WDR41: variants seen among roughly 807,000 people sequenced by gnomAD.
The protein encoded by WDR41 is WD repeat-containing protein 41.
In WDR41, 63 loss-of-function variants were observed where a neutral mutation model predicts 69.3. The observed-to-expected ratio is 0.91, with a 90% confidence interval of 0.74 to 1.12. WDR41 has a LOEUF of 1.12. Among genes scored for constraint, WDR41 ranks in the 50% most tolerant of loss-of-function variants. The pLI is 0.00. For synonymous variants in WDR41, 185 were observed against 192.1 expected (o/e 0.96, Z 0.31); for missense variants, 543 against 534.5 (o/e 1.02, Z -0.16).
chr5:77,564,679 T>C (rs933894236), intron 1 of WDR41, among the ~76,000 whole-genome samples: 1 of 152,160 alleles, frequency 6.6e-6, no homozygotes, highest in Admixed American at 6.6e-5. Flanking sequence ...TTGGTAAGCA[T>C]AGCCACTCTA....
intron 2 of WDR41, among the ~76,000 whole-genome samples, 177 bp downstream of exon 2, chr5:77,489,280 C>T (rs754959701): frequency 6.6e-6 from 1 of 152,088 alleles, no homozygotes; most frequent in Non-Finnish European, 1.5e-5. Flanking sequence ...GCAAAAAAGA[C>T]TCTAGATACA....
chr5:77,464,611 T>C, intron 3 of WDR41, 150 bp downstream of exon 3: 1 of 777,796 alleles, frequency 1.3e-6, no homozygotes, highest in Non-Finnish European at 2.0e-6. Flanking sequence ...CCCCACTGTA[T>C]ATGGATTTAT....
chr5:77,478,799 CA>C (rs1356785736), intron 2 of WDR41, among the ~76,000 whole-genome samples: 1 of 150,850 alleles, frequency 6.6e-6, no homozygotes, highest in African/African-American at 2.4e-5. Context: ...CACTCCTATT[CA>C]ACATAGTGTT....
chr5:77,510,544 A>G (rs760760580), intron 1 of WDR41, among the ~76,000 whole-genome samples: 4 of 152,148 alleles, frequency 2.6e-5, no homozygotes, highest in Admixed American at 6.6e-5. Context: ...TGGGTCAGCA[A>G]TAGTGTCTGC....
At chr5:77,552,016 AAAAT>A (rs1405516698) in intron 1 of WDR41, among the ~76,000 whole-genome samples, 4 of 134,744 alleles carry the variant, frequency 3.0e-5, no homozygotes, top group African/African-American at 1.1e-4. Flanking sequence ...AAAATAAAAT[AAAAT>A]AAAATAAAAT....
Position 77,512,355 on chromosome 5 carries a change from A to AGAGAGAGAGAGAGAGAGAGAGAGT in WDR41, c.43-22784_43-22783insACTCTCTCTCTCTCTCTCTCTCTC, listed in dbSNP as rs1335024335. On this transcript the variant is annotated intron_variant, in intron 1 of 5. Coordinates refer to the WDR41 transcript ENST00000509971. The stretch of plus-strand genomic sequence containing the variant: ...GTGAGAGAGAGAGAGAGAGAGAGTG[A>AGAGAGAGAGAGAGAGAGAGAGAGT]GTGTGTGTGTGTGTGTGTGTGTGTG... Among the ~76,000 whole-genome samples, 398 of 119,316 alleles carry AGAGAGAGAGAGAGAGAGAGAGAGT rather than the reference A, an allele frequency of 3.3e-3. 1 individual carries two copies. The highest frequency in any genetic ancestry group is 5.9e-3 in the Non-Finnish European group (335 of 56,600). 78.3% of individuals were successfully genotyped at this position (119,316 alleles called of 152,430 possible). A position where few individuals can be genotyped will look rare whatever the true frequency, so the allele number is the denominator to read the frequency against.
rs1239370407 is a variant in WDR41 at position 77,534,362 on chromosome 5, C to CA, written c.43-44791dup. On this transcript the variant is annotated intron_variant, in intron 1 of 5. Coordinates refer to the WDR41 transcript ENST00000509971. ...GCGGCGGGGAAAGACCTTATATGGA[C>CA]AAAAAAATGAGAAGCAAGGGTAACT... Among the ~76,000 whole-genome samples the CA allele has an allele frequency of 2.0e-4, 30 of 151,492 alleles. 1 individual carries two copies. Among genetic ancestry groups the CA allele is most frequent in the Admixed American group, 6.6e-5 (1 of 15,214 alleles).
intron 1 of WDR41, among the ~76,000 whole-genome samples, chr5:77,527,188 T>G (rs1198769311): frequency 1.3e-5 from 2 of 151,854 alleles, no homozygotes; most frequent in Non-Finnish European, 2.9e-5. Flanking sequence ...AATACTCTAG[T>G]GAAAACATAG....
intron 1 of WDR41, among the ~76,000 whole-genome samples, chr5:77,613,492 A>T (rs1337335348): frequency 6.6e-6 from 1 of 151,964 alleles, no homozygotes; most frequent in Non-Finnish European, 1.5e-5. Flanking sequence ...ATAACGCCGC[A>T]TATCTACAAC....
At chr5:77,491,439 G>C (rs148112431) in intron 1 of WDR41, among the ~76,000 whole-genome samples, 1 of 152,058 alleles carries the variant, frequency 6.6e-6, no homozygotes, top group African/African-American at 2.4e-5. Flanking sequence ...CTCTTCACAC[G>C]GACGCGCATG....
In WDR41 at chr5:77,463,163, G is replaced by A. The variant is rs1388429709; in HGVS notation, c.280C>T (p.Pro94Ser). ...TTCTCTTCACAAGATTCCAAGGAAG[G>A]AAATGTAATAATAGCTGTTATCTTT... ...TQKITAIITFPSLESCEEKNQ... is the reference protein window; with the variant it reads ...TQKITAIITFSSLESCEEKNQ... Residue 94 changes from proline to serine, a missense_variant, in exon 4 of 13, where the codon CCT (proline) becomes TCT (serine). Physicochemically the swap from Pro to Ser is moderately conservative, Grantham distance 74. Transcript: ENST00000296679. 1 of 1,612,624 alleles carries A rather than the reference G, an allele frequency of 6.2e-7. No individual in the cohort carries two copies.
rs147450481 is a variant in WDR41 at position 77,509,165 on chromosome 5, A to C, written c.43-19593T>G. On this transcript the variant is annotated intron_variant, in intron 1 of 5. Coordinates refer to the WDR41 transcript ENST00000509971. ...TAATCTTTCAATCAACCAGACCAAT[A>C]ATAGAAAATATTAGTTTAATTTTAT... Among the ~76,000 whole-genome samples the C allele has an allele frequency of 7.6e-3, 1,165 of 152,292 alleles. 15 individuals carry two copies. Among genetic ancestry groups the C allele is most frequent in the Non-Finnish European group, 9.4e-3 (637 of 68,028 alleles).
intron 1 of WDR41, among the ~76,000 whole-genome samples, chr5:77,609,512 T>A (rs183009062): frequency 4.5e-4 from 69 of 152,298 alleles, no homozygotes; most frequent in African/African-American, 1.4e-3. Flanking sequence ...AATCCGCTGT[T>A]CTGCAGCCAC....
chr5:77,524,623 T>G (rs1159052072), intron 1 of WDR41, among the ~76,000 whole-genome samples: 1 of 151,864 alleles, frequency 6.6e-6, no homozygotes, highest in South Asian at 2.1e-4. Flanking sequence ...ATTTTTTTTT[T>G]GTCTTCCTCA....
At chr5:77,482,134 GTC>G (rs1801300178) in intron 2 of WDR41, among the ~76,000 whole-genome samples, 1 of 152,162 alleles carries the variant, frequency 6.6e-6, no homozygotes, top group Admixed American at 6.6e-5. Context: ...CTCATTGCCT[GTC>G]TCTAGTAATT....
chr5:77,542,657 A>G (rs1023344161), intron 1 of WDR41, among the ~76,000 whole-genome samples: 1 of 152,226 alleles, frequency 6.6e-6, no homozygotes, highest in Non-Finnish European at 1.5e-5. Flanking sequence ...AAAATGTTCT[A>G]AGATTCAACA....
At chr5:77,488,582 T>C (rs930643916) in intron 2 of WDR41, among the ~76,000 whole-genome samples, 9 of 150,826 alleles carry the variant, frequency 6.0e-5, no homozygotes, top group Admixed American at 2.0e-4. Context: ...AAGACAAAAT[T>C]AGAGATGAAA....
At chr5:77,584,822 C>T (rs1168493328) in intron 1 of WDR41, among the ~76,000 whole-genome samples, 9 of 151,986 alleles carry the variant, frequency 5.9e-5, no homozygotes, top group African/African-American at 2.2e-4. Context: ...AAAAATCAAC[C>T]CAAGATGGAT....
intron 1 of WDR41, among the ~76,000 whole-genome samples, chr5:77,541,598 T>A (rs1016235407): frequency 1.3e-5 from 2 of 151,478 alleles, no homozygotes; most frequent in African/African-American, 2.4e-5. Context: ...GTTCAAGTGA[T>A]TCTCCTGCCT....
Sources: allele counts gnomAD v4.1 joint callset (sites outside exome capture counted in the v4.1 genomes callset), GRCh38; gene constraint gnomAD v4.1.1; transcripts MANE v1.5; gene names NCBI Gene and HGNC (gene_info 2026-07-23, HGNC 2026-07-21).